The following SLC13A1 variants were observed in gnomAD, a reference collection of about 807,000 sequenced individuals.
SLC13A1 encodes the protein solute carrier family 13 member 1.
In SLC13A1, 65 loss-of-function variants were observed where a neutral mutation model predicts 70.0. That is an observed-to-expected ratio of 0.93 (90% CI 0.76 to 1.14). SLC13A1 has a LOEUF of 1.14. SLC13A1 is among the 50% of genes most tolerant of loss of function. SLC13A1 has a pLI of 0.00. For synonymous variants in SLC13A1, 275 were observed against 250.5 expected (o/e 1.10, Z -0.92); for missense variants, 726 against 717.8 (o/e 1.01, Z -0.13).
chr7:123,172,418 C>T (rs1216878943), intron 2 of SLC13A1, among the ~76,000 whole-genome samples: 1 of 152,164 alleles, frequency 6.6e-6, no homozygotes, highest in Non-Finnish European at 1.5e-5. Flanking sequence ...GTCAGGAGTT[C>T]GAGGCCATCC....
Position 123,171,918 on chromosome 7 carries a change from T to C in SLC13A1, c.229-14A>G. 6.2e-7 allele frequency: 1 copy of C among 1,608,136 alleles called. No homozygotes were observed. Among genetic ancestry groups the C allele is most frequent in the Non-Finnish European group, 8.5e-7 (1 of 1,176,836 alleles). ...AGCAGATGCCACCTGAAATAACAATTAAACCCGTGATTATTTACTTTGGTG... is the reference window on the plus strand; with the variant it reads ...AGCAGATGCCACCTGAAATAACAATCAAACCCGTGATTATTTACTTTGGTG... On this transcript the variant is annotated splice_polypyrimidine_tract_variant and intron_variant, in intron 2 of 14. Coordinates refer to ENST00000194130, the MANE Select transcript of SLC13A1 (RefSeq NM_022444.4).
At position 123,115,421 on chromosome 7, in the gene SLC13A1, T is replaced by A; in HGVS notation, c.*97A>T. ...TTGCAGCAGCTACACCATAACTGAT[T>A]TAAATGTGTGTCATTAGTTATTTAG... On this transcript the variant is annotated 3_prime_UTR_variant, in exon 15 of 15. Transcript: ENST00000194130. 1 of 1,269,906 alleles carries A rather than the reference T, an allele frequency of 7.9e-7. No homozygotes were observed. Among genetic ancestry groups the A allele is most frequent in the Non-Finnish European group, 1.1e-6 (1 of 897,698 alleles). 78.7% of individuals were successfully genotyped at this position (1,269,906 alleles called of 1,614,324 possible).
intron 6 of SLC13A1, 56 bp downstream of exon 6, chr7:123,168,318 T>TA: frequency 3.4e-6 from 4 of 1,184,540 alleles, no homozygotes; most frequent in Non-Finnish European, 4.9e-6. Context: ...TGTATCTAAC[T>TA]ACAGCTCTAA....
At chr7:123,159,057 AT>A (rs1353241343) in intron 6 of SLC13A1, among the ~76,000 whole-genome samples, 1 of 152,088 alleles carries the variant, frequency 6.6e-6, no homozygotes, top group African/African-American at 2.4e-5. Flanking sequence ...TAATACAATT[AT>A]GTAATTTATG....
intron 6 of SLC13A1, among the ~76,000 whole-genome samples, chr7:123,159,442 G>A (rs1356672134): frequency 6.6e-6 from 1 of 152,158 alleles, no homozygotes; most frequent in Non-Finnish European, 1.5e-5. Flanking sequence ...CAATGAGAAG[G>A]TAGCCTTGTA....
rs34669477 is a variant in SLC13A1, at chr7:123,126,508, A to G, written c.1134-833T>C. ...GCAATATTAACTAGTGCATTTCTGT[A>G]GCCTGAGAAGAAATATGTACCATGC... On this transcript the variant is annotated intron_variant, in intron 10 of 14. Coordinates refer to ENST00000194130, the MANE Select transcript of SLC13A1 (RefSeq NM_022444.4). Among the ~76,000 whole-genome samples the G allele has an allele frequency of 4.8e-3, 732 of 152,254 alleles. 2 individuals are homozygous for G. Among genetic ancestry groups the G allele is most frequent in the Non-Finnish European group, 8.2e-3 (557 of 67,984 alleles).
intron 1 of SLC13A1, among the ~76,000 whole-genome samples, chr7:123,197,438 T>G (rs1796221788): frequency 6.6e-6 from 1 of 152,136 alleles, no homozygotes; most frequent in East Asian, 1.9e-4. Flanking sequence ...TAACAGTAAA[T>G]TGACTTGCAT....
chr7:123,160,487 C>A (rs1195852370), intron 6 of SLC13A1, among the ~76,000 whole-genome samples: 1 of 151,996 alleles, frequency 6.6e-6, no homozygotes, highest in Non-Finnish European at 1.5e-5. Context: ...AGAATACCTG[C>A]ATGATAGAAG....
chr7:123,119,143 A>C lies in SLC13A1; in HGVS notation c.1450T>G (p.Leu484Val), dbSNP rs372571302. 1.1e-5 allele frequency: 18 copies of C among 1,612,720 alleles called. No homozygotes were observed. Among genetic ancestry groups the C allele is most frequent in the Non-Finnish European group, 1.4e-5 (16 of 1,179,196 alleles). Reference protein sequence around the residue: ...ILISSLMVTSLTEVASNPATI... With the variant: ...ILISSLMVTSVTEVASNPATI... ...GCTGGATTGCTGGCTACCTCAGTTA[A>C]AGATGTCACCATCAAAGAAGATATC... The change falls in exon 13 of 15, where the codon TTA becomes GTA. Residue 484 changes from leucine (L) to valine (V), a missense_variant. Physicochemically the swap from Leu to Val is conservative, Grantham distance 32. Transcript: ENST00000194130.
At position 123,153,507 on chromosome 7, in the gene SLC13A1, G is replaced by T. The variant is rs910173567; in HGVS notation, c.661-6197C>A. 4.9e-4 allele frequency among the ~76,000 whole-genome samples: 75 copies of T among 151,866 alleles called. 1 individual carries two copies. Among genetic ancestry groups the T allele is most frequent in the African/African-American group, 1.7e-3 (71 of 41,346 alleles). ...TTTTACCGAGTGCTTGTGTTCGCTG[G>T]GCTGAACACAGAAGAGATGATACTG... On this transcript the variant is annotated intron_variant, in intron 6 of 14. Coordinates refer to ENST00000194130, the MANE Select transcript of SLC13A1 (RefSeq NM_022444.4).
chr7:123,191,842 AT>A (rs1796007098), intron 1 of SLC13A1, among the ~76,000 whole-genome samples: 1 of 152,160 alleles, frequency 6.6e-6, no homozygotes, highest in South Asian at 2.1e-4. Flanking sequence ...CAGAGTATAT[AT>A]TTTTAAAATT....
chr7:123,170,800 G>A (rs191395443), intron 3 of SLC13A1, among the ~76,000 whole-genome samples: 142 of 151,828 alleles, frequency 9.4e-4, no homozygotes, highest in Non-Finnish European at 1.8e-3. Flanking sequence ...GGCTAAACTT[G>A]AACTCCCCAC....
At chr7:123,158,052 G>A (rs949759111) in intron 6 of SLC13A1, among the ~76,000 whole-genome samples, 1 of 151,938 alleles carries the variant, frequency 6.6e-6, no homozygotes, top group Non-Finnish European at 1.5e-5. Flanking sequence ...ACAAGAAGCT[G>A]CAACATAGGA....
chr7:123,190,452 A>T, intron 1 of SLC13A1: 1 of 387,600 alleles, frequency 2.6e-6, no homozygotes, highest in Admixed American at 3.3e-5. Flanking sequence ...ATGGCTGGTA[A>T]CTCACCTGGG....
chr7:123,184,666 T>C (rs1428588404), intron 1 of SLC13A1, among the ~76,000 whole-genome samples: 2 of 152,032 alleles, frequency 1.3e-5, no homozygotes, highest in Non-Finnish European at 2.9e-5. Context: ...TGCAAGTGCA[T>C]GTGTGAGTGT....
At chr7:123,127,708 G>A (rs543441842) in intron 10 of SLC13A1, among the ~76,000 whole-genome samples, 55 of 151,814 alleles carry the variant, frequency 3.6e-4, no homozygotes, top group Non-Finnish European at 6.9e-4. Flanking sequence ...CTCAGACTTC[G>A]CACCCTTCAG....
At chr7:123,133,861 G>A (rs1192982583) in intron 8 of SLC13A1, among the ~76,000 whole-genome samples, 1 of 151,304 alleles carries the variant, frequency 6.6e-6, no homozygotes, top group Non-Finnish European at 1.5e-5. Flanking sequence ...TTTATTTTTT[G>A]AGACCGTTCT....
chr7:123,188,285 C>G (rs1036726397), intron 1 of SLC13A1, among the ~76,000 whole-genome samples: 3 of 152,124 alleles, frequency 2.0e-5, no homozygotes, highest in South Asian at 4.1e-4. Flanking sequence ...TTGAGGCCTC[C>G]CAGTCACGCT....
intron 1 of SLC13A1, among the ~76,000 whole-genome samples, chr7:123,198,791 A>G (rs965409952): frequency 6.6e-6 from 1 of 152,062 alleles, no homozygotes; most frequent in African/African-American, 2.4e-5. Context: ...GGAGAGCATC[A>G]GCAGGGTTCT....
Sources: gnomAD v4.1 joint callset for allele counts (sites outside exome capture counted in the v4.1 genomes callset) on GRCh38, gnomAD v4.1.1 for gene constraint, MANE v1.5 for transcripts, NCBI Gene and HGNC (gene_info 2026-07-23, HGNC 2026-07-21) for gene names.